Variants in ARHGEF26 observed in about 807,000 individuals in gnomAD.
The protein encoded by ARHGEF26 is Rho guanine nucleotide exchange factor (GEF) 26.
Under a neutral mutation model 89.4 loss-of-function variants are expected in ARHGEF26, and 59 were observed. The observed-to-expected ratio is 0.66, with a 90% CI of 0.54 to 0.82. The LOEUF (loss-of-function observed/expected upper bound fraction) is 0.82. Ranked by LOEUF, ARHGEF26 falls within the 40% of genes least tolerant of loss-of-function variation. The probability of loss-of-function intolerance (pLI) is 0.00; values close to 1 mark genes in which losing one functional copy is unlikely to be tolerated. For synonymous variants in ARHGEF26, 500 were observed against 428.4 expected (o/e 1.17, Z -2.06); for missense variants, 1,234 against 1,085.6 (o/e 1.14, Z -1.92).
intron 6 of ARHGEF26, among the ~76,000 whole-genome samples, chr3:154,161,070 A>G: frequency 9.3e-6 from 1 of 107,874 alleles, no homozygotes; most frequent in African/African-American, 3.9e-5. Context: ...CTTCTGCGCT[A>G]CTCTCCTTTT....
At position 154,255,319 on chromosome 3, in the gene ARHGEF26, T is replaced by C. The variant is rs775243623; in HGVS notation, c.2474-12T>C. On this transcript the variant is annotated splice_polypyrimidine_tract_variant and intron_variant, in intron 14 of 14. Transcript: ENST00000465093. ...ACTTGTTGTTTGGTGTGGACTCTGTTCTTTTTCACAGGCTGGTATGAGGGG... is the reference window on the plus strand; with the variant it reads ...ACTTGTTGTTTGGTGTGGACTCTGTCCTTTTTCACAGGCTGGTATGAGGGG... The C allele has an allele frequency of 6.2e-7, 1 of 1,610,604 alleles. No individual in the cohort carries two copies. Among genetic ancestry groups the C allele is most frequent in the Non-Finnish European group, 8.5e-7 (1 of 1,178,086 alleles).
chr3:154,126,476 C>T (rs575139567), intron 3 of ARHGEF26, among the ~76,000 whole-genome samples: 1 of 152,306 alleles, frequency 6.6e-6, no homozygotes, highest in Admixed American at 6.5e-5. Context: ...GCTCAAATCT[C>T]CATCATCTTT....
At chr3:154,222,487 T>A (rs1716194883) in intron 10 of ARHGEF26, among the ~76,000 whole-genome samples, 2 of 152,224 alleles carry the variant, frequency 1.3e-5, no homozygotes, top group Admixed American at 1.3e-4. Flanking sequence ...TTTTCATGTC[T>A]TGGTTTTCTG....
chr3:154,176,364 T>A (rs951535026), intron 6 of ARHGEF26, among the ~76,000 whole-genome samples: 1 of 152,154 alleles, frequency 6.6e-6, no homozygotes, highest in African/African-American at 2.4e-5. Context: ...AGATAAACTT[T>A]TTTTTGGTAG....
chr3:154,135,962 A>G (rs1248220203), intron 4 of ARHGEF26, among the ~76,000 whole-genome samples: 3 of 152,208 alleles, frequency 2.0e-5, no homozygotes, highest in South Asian at 2.1e-4. Flanking sequence ...AACCAAAACC[A>G]TATTTGCCAG....
intron 12 of ARHGEF26, among the ~76,000 whole-genome samples, chr3:154,244,929 T>A (rs1432771553): frequency 6.6e-6 from 1 of 152,088 alleles, no homozygotes; most frequent in African/African-American, 2.4e-5. Context: ...TCAGTTTGGC[T>A]TGTTCTGGAT....
rs566290442 is a variant in ARHGEF26, at chr3:154,180,190, C to T, written c.1488-7495C>T. On this transcript the variant is annotated intron_variant, in intron 6 of 14. Transcript: ENST00000465093. ...CACCTGGATAATCCAGGATGATTTTCCCATCTCAGTATCATTAATTACTTC... is the reference window on the plus strand; with the variant it reads ...CACCTGGATAATCCAGGATGATTTTTCCATCTCAGTATCATTAATTACTTC... 1.5e-4 allele frequency among the ~76,000 whole-genome samples: 23 copies of T among 152,272 alleles called. 1 individual carries two copies. The highest frequency in any genetic ancestry group is 5.3e-4 in the African/African-American group (22 of 41,562).
intron 12 of ARHGEF26, among the ~76,000 whole-genome samples, chr3:154,250,036 C>CTCTTT (rs1055524110): frequency 3.3e-5 from 5 of 152,030 alleles, no homozygotes; most frequent in Non-Finnish European, 7.4e-5. Flanking sequence ...CCTTAGCAGG[C>CTCTTT]TCTTTTTTTT....
At chr3:154,198,299 C>G (rs929703147) in intron 9 of ARHGEF26, among the ~76,000 whole-genome samples, 1 of 152,010 alleles carries the variant, frequency 6.6e-6, no homozygotes, top group Non-Finnish European at 1.5e-5. Context: ...CTAGTACAAC[C>G]AATATGGAAA....
intron 9 of ARHGEF26, among the ~76,000 whole-genome samples, chr3:154,204,582 G>A (rs1469706092): frequency 1.3e-5 from 2 of 151,734 alleles, no homozygotes; most frequent in East Asian, 1.9e-4. Context: ...CCCCCGCCTC[G>A]GCCTACCAAA....
At chr3:154,176,573 G>T (rs1327223911) in intron 6 of ARHGEF26, among the ~76,000 whole-genome samples, 1 of 152,144 alleles carries the variant, frequency 6.6e-6, no homozygotes, top group Non-Finnish European at 1.5e-5. Flanking sequence ...GATGTAGATG[G>T]GTCCAGGCAT....
Position 154,152,827 on chromosome 3 carries a change from T to C in ARHGEF26, c.1382T>C (p.Leu461Ser). ...TCATATTTACTCAGCTTGGAGATCT[T>C]GATACGAATGTTTAAAAATTCTAAA... ...EHSYLLSLEI[L>S]IRMFKNSKEL... The change falls in exon 6 of 15, where the codon TTG (leucine) becomes TCG (serine). Residue 461 changes from leucine to serine, a missense_variant. Coordinates refer to ENST00000465093, the MANE Select transcript of ARHGEF26 (RefSeq NM_015595.4). 6.4e-7 allele frequency: 1 copy of C among 1,571,594 alleles called. No homozygotes were observed. Among genetic ancestry groups the C allele is most frequent in the Non-Finnish European group, 8.6e-7 (1 of 1,157,192 alleles).
chr3:154,229,430 G>C lies in ARHGEF26; in HGVS notation c.2090+3420G>C, dbSNP rs138357796. 6.8e-3 allele frequency among the ~76,000 whole-genome samples: 1,040 copies of C among 152,282 alleles called. 10 individuals are homozygous for C. Among genetic ancestry groups the C allele is most frequent in the African/African-American group, 0.024 (984 of 41,548 alleles). On this transcript the variant is annotated intron_variant, in intron 11 of 14. Transcript: ENST00000465093. ...CTGCTAGTGAGTCACTCTGTTAATAGCCTGGTTCTACCAGATTTCAAAAGG... is the reference window on the plus strand; with the variant it reads ...CTGCTAGTGAGTCACTCTGTTAATACCCTGGTTCTACCAGATTTCAAAAGG...
chr3:154,239,302 GT>G (rs1717343606), intron 11 of ARHGEF26, among the ~76,000 whole-genome samples: 1 of 25,730 alleles, frequency 3.9e-5, no homozygotes. Context: ...GAGAGAGAGT[GT>G]GTGTGTGTGT....
At chr3:154,224,552 G>C (rs547363601) in intron 10 of ARHGEF26, among the ~76,000 whole-genome samples, 1 of 152,294 alleles carries the variant, frequency 6.6e-6, no homozygotes, top group South Asian at 2.1e-4. Flanking sequence ...TGTGTTTCCT[G>C]TAATTCCGGC....
rs200883558 is a variant in ARHGEF26 at position 154,235,766 on chromosome 3, AT to A, written c.2091-4603del. On this transcript the variant is annotated intron_variant, in intron 11 of 14. Transcript: ENST00000465093. The stretch of plus-strand genomic sequence containing the variant: ...ATCCCTCCTTTTTAAACAAAAAAAA[AT>A]ATATAAAACACTTCAGATTACCCAA... Among the ~76,000 whole-genome samples, 738 of 152,264 alleles carry A rather than the reference AT, an allele frequency of 4.8e-3. 9 individuals are homozygous for A. The highest frequency in any genetic ancestry group is 0.017 in the African/African-American group (700 of 41,524).
intron 4 of ARHGEF26, among the ~76,000 whole-genome samples, chr3:154,140,090 C>T (rs1302625544): frequency 1.1e-5 from 1 of 94,956 alleles, no homozygotes; most frequent in Non-Finnish European, 2.0e-5. Flanking sequence ...ACAGGGAGCC[C>T]TTATATCCAC....
intron 6 of ARHGEF26, among the ~76,000 whole-genome samples, chr3:154,155,339 C>T (rs139671464): frequency 2.0e-5 from 3 of 151,958 alleles, no homozygotes; most frequent in East Asian, 1.9e-4. Flanking sequence ...TTCTAATGCT[C>T]GCTGAAACAC....
intron 6 of ARHGEF26, among the ~76,000 whole-genome samples, chr3:154,154,261 G>A (rs1248961374): frequency 6.6e-6 from 1 of 151,848 alleles, no homozygotes; most frequent in Non-Finnish European, 1.5e-5. Flanking sequence ...TCCTGCTCCA[G>A]GCCTGGAATC....
Sources: allele counts gnomAD v4.1 joint callset (sites outside exome capture counted in the v4.1 genomes callset), GRCh38; gene constraint gnomAD v4.1.1; transcripts MANE v1.5; gene names NCBI Gene and HGNC (gene_info 2026-07-23, HGNC 2026-07-21).